PI4KA: variants seen among roughly 807,000 people sequenced by gnomAD.
The protein encoded by PI4KA is PI4-kinase alpha.
A neutral mutation model predicts 271.4 loss-of-function variants in PI4KA; 122 were observed. The observed-to-expected ratio is 0.45, with a 90% CI of 0.39 to 0.52. The LOEUF (loss-of-function observed/expected upper bound fraction) is 0.52. Ranked by LOEUF, PI4KA falls within the 20% of genes least tolerant of loss-of-function variation. The pLI is 0.00. For missense variants in PI4KA, 1,969 were observed against 2,769.1 expected, an observed-to-expected ratio of 0.71 and a Z score of 6.48; for synonymous variants, 1,041 against 1,078.8, an observed-to-expected ratio of 0.96 and a Z score of 0.69.
rs1184540832 is a variant in PI4KA at position 20,819,527 on chromosome 22, GA to G, written c.789+113del. Reference sequence around the variant, plus strand: ...TCTTTGTATTAAAGAGAATTCTAGTGAAACATTTCACGTTACTTAAGTTTAC... The same window carrying G: ...TCTTTGTATTAAAGAGAATTCTAGTGAACATTTCACGTTACTTAAGTTTAC... On this transcript the variant is annotated intron_variant, in intron 6 of 54. Transcript: ENST00000255882. The G allele has an allele frequency of 1.0e-5, 10 of 989,670 alleles. No homozygotes were observed. In the East Asian group the frequency reaches 2.4e-4, roughly 24 times the overall value. 61.3% of individuals were successfully genotyped at this position (989,670 alleles called of 1,614,324 possible).
rs373880392 is a variant in PI4KA, at chr22:20,834,670, G to A, written c.274-15C>T. 6.7e-7 allele frequency: 1 copy of A among 1,502,238 alleles called. No individual in the cohort carries two copies. Among genetic ancestry groups the A allele is most frequent in the South Asian group, 1.1e-5 (1 of 87,240 alleles). The allele number at this position is 1,502,238 out of a possible 1,614,324, so 93.1% of individuals were successfully genotyped here. A position where few individuals can be genotyped will look rare whatever the true frequency, so the allele number is the denominator to read the frequency against. Reference sequence around the variant, plus strand: ...CAATCTTTGTGCTAAAAAATAATAAGAAGAATAATAAATTAGATTTAATAA... The same window carrying A: ...CAATCTTTGTGCTAAAAAATAATAAAAAGAATAATAAATTAGATTTAATAA... On this transcript the variant is annotated splice_polypyrimidine_tract_variant and intron_variant, in intron 2 of 54. Transcript: ENST00000255882.
At chr22:20,810,628 T>G (rs1453647917) in intron 9 of PI4KA, among the ~76,000 whole-genome samples, 1 of 150,720 alleles carries the variant, frequency 6.6e-6, no homozygotes, top group East Asian at 2.0e-4. Context: ...ACCAAAGGAG[T>G]GAGGAAGATA....
intron 19 of PI4KA, among the ~76,000 whole-genome samples, chr22:20,788,928 T>A (rs1934448547): frequency 6.6e-6 from 1 of 152,194 alleles, no homozygotes; most frequent in Non-Finnish European, 1.5e-5. Flanking sequence ...GCCATGTCTG[T>A]CCCATACCCA....
intron 43 of PI4KA, among the ~76,000 whole-genome samples, chr22:20,720,087 T>C (rs1377118927): frequency 6.9e-6 from 1 of 144,228 alleles, no homozygotes; most frequent in Non-Finnish European, 1.5e-5. Context: ...TGAACAAATA[T>C]GATTTTTCCA....
intron 42 of PI4KA, among the ~76,000 whole-genome samples, chr22:20,723,943 A>G (rs1927045362): frequency 2.0e-5 from 3 of 151,664 alleles, no homozygotes; most frequent in South Asian, 2.1e-4. Flanking sequence ...GGTTCATGCC[A>G]TTCTCCTGCC....
intron 3 of PI4KA, among the ~76,000 whole-genome samples, chr22:20,831,586 A>C (rs112697696): frequency 4.0e-5 from 4 of 101,194 alleles, no homozygotes; most frequent in African/African-American, 8.8e-5. Context: ...AACAAAAACA[A>C]AAACAAAAAC....
intron 36 of PI4KA, among the ~76,000 whole-genome samples, chr22:20,730,333 G>A (rs1448201336): frequency 6.6e-6 from 1 of 152,126 alleles, no homozygotes; most frequent in Non-Finnish European, 1.5e-5. Context: ...GGAGTGCAAT[G>A]ACGTGATCTC....
At chr22:20,815,977 T>G (rs963651029) in intron 7 of PI4KA, among the ~76,000 whole-genome samples, 4 of 152,158 alleles carry the variant, frequency 2.6e-5, no homozygotes, top group Non-Finnish European at 5.9e-5. Context: ...TCTCACTCTG[T>G]TGCCCAGGCT....
Position 20,707,972 on chromosome 22 carries a change from G to A in PI4KA, c.*75C>T, listed in dbSNP as rs1924716800. 2 of 1,262,180 alleles carry A rather than the reference G, an allele frequency of 1.6e-6. No individual in the cohort carries two copies. Among genetic ancestry groups the A allele is most frequent in the South Asian group, 2.4e-5 (2 of 84,180 alleles). 78.2% of individuals were successfully genotyped at this position (1,262,180 alleles called of 1,614,324 possible). Reference sequence around the variant, plus strand: ...CTCCACTGCATGTGGCGGCAGGGCAGGGAGGTCGCAGGGCTCCATGATTGT... The same window carrying A: ...CTCCACTGCATGTGGCGGCAGGGCAAGGAGGTCGCAGGGCTCCATGATTGT... On this transcript the variant is annotated 3_prime_UTR_variant, in exon 55 of 55. Coordinates refer to ENST00000255882, the MANE Select transcript of PI4KA (RefSeq NM_058004.4).
intron 23 of PI4KA, among the ~76,000 whole-genome samples, chr22:20,758,364 CAAAAAAAAAAAA>C (rs3042105): frequency 1.2e-4 from 5 of 43,278 alleles, no homozygotes; most frequent in African/African-American, 5.5e-4. Context: ...GACTCTGTCT[CAAAAAAAAAAAA>C]AAAAAAAAAA....
chr22:20,719,752 C>A (rs558756801), intron 43 of PI4KA, among the ~76,000 whole-genome samples: 2 of 152,074 alleles, frequency 1.3e-5, no homozygotes, highest in African/African-American at 4.8e-5. Flanking sequence ...CTGGGCCGGG[C>A]GTGGTGGCTC....
At chr22:20,725,913 TAAA>T (rs573929949) in intron 42 of PI4KA, 4 of 127,866 alleles carry the variant, frequency 3.1e-5, no homozygotes, top group Non-Finnish European at 5.0e-5. Context: ...CCCTGTCTCT[TAAA>T]AAAAAAAAAA....
At chr22:20,856,830 A>C (rs979154145) in intron 1 of PI4KA, among the ~76,000 whole-genome samples, 2 of 152,232 alleles carry the variant, frequency 1.3e-5, no homozygotes, top group African/African-American at 4.8e-5. Context: ...TGGCTGAAGA[A>C]GCAAATTGAG....
chr22:20,851,837 C>T (rs1396189901), intron 1 of PI4KA, among the ~76,000 whole-genome samples: 14 of 152,186 alleles, frequency 9.2e-5, no homozygotes, highest in Admixed American at 9.2e-4. Context: ...TTCTGGCCAA[C>T]TTGGCAATGT....
intron 1 of PI4KA, among the ~76,000 whole-genome samples, chr22:20,841,100 G>A (rs978926202): frequency 9.2e-5 from 14 of 152,136 alleles, no homozygotes; most frequent in East Asian, 1.9e-4. Flanking sequence ...GTCTGGTCTC[G>A]AACTCCTTAT....
intron 43 of PI4KA, among the ~76,000 whole-genome samples, chr22:20,719,771 A>C (rs1427177767): frequency 6.6e-6 from 1 of 152,134 alleles, no homozygotes; most frequent in East Asian, 1.9e-4. Flanking sequence ...TCATGCCTGT[A>C]ATCTCAGCAC....
Position 20,742,600 on chromosome 22 carries a change from T to C in PI4KA, c.3613+8A>G. ...AGCCCAGAATTCCACAGTGCTTCAG[T>C]GAGTTACCTTTACTGCTAATGAGCA... On this transcript the variant is annotated splice_region_variant and intron_variant, in intron 31 of 54. Transcript: ENST00000255882. The C allele has an allele frequency of 3.7e-6, 6 of 1,613,868 alleles. No individual in the cohort carries two copies. Among genetic ancestry groups the C allele is most frequent in the South Asian group, 1.1e-5 (1 of 91,070 alleles).
At chr22:20,851,790 A>C (rs892152149) in intron 1 of PI4KA, among the ~76,000 whole-genome samples, 2 of 152,236 alleles carry the variant, frequency 1.3e-5, no homozygotes, top group Non-Finnish European at 2.9e-5. Flanking sequence ...TCAACTCTGT[A>C]TTTATTTGTC....
intron 19 of PI4KA, chr22:20,779,153 A>C (rs1441093597): frequency 1.3e-6 from 2 of 1,533,072 alleles, no homozygotes; most frequent in Non-Finnish European, 8.7e-7. Flanking sequence ...ATTCTCTTAA[A>C]GTCCATGATC....
Sources: allele counts gnomAD v4.1 joint callset (sites outside exome capture counted in the v4.1 genomes callset), GRCh38; gene constraint gnomAD v4.1.1; transcripts MANE v1.5; gene names NCBI Gene and HGNC (gene_info 2026-07-23, HGNC 2026-07-21).